WFDC8: variants seen among roughly 807,000 people sequenced by gnomAD.
WFDC8 encodes WAP four-disulfide core domain 8.
WFDC8 carries 24 observed loss-of-function variants against 27.0 expected under a neutral mutation model. The observed-to-expected ratio is 0.89, with a 90% CI of 0.64 to 1.25. WFDC8 has a LOEUF of 1.25. Ranked by LOEUF, WFDC8 falls within the 50% of genes most tolerant of loss-of-function variation. The pLI, the probability that WFDC8 is intolerant of heterozygous loss-of-function variation, is 0.00. For missense variants in WFDC8, 287 were observed against 295.9 expected, an observed-to-expected ratio of 0.97 and a Z score of 0.22; for synonymous variants, 106 against 99.7, an observed-to-expected ratio of 1.06 and a Z score of -0.38.
intron 2 of WFDC8, among the ~76,000 whole-genome samples, chr20:45,560,474 C>A (rs556020525): frequency 6.6e-6 from 1 of 152,314 alleles, no homozygotes; most frequent in Admixed American, 6.5e-5. Context: ...TCATACAGCG[C>A]TTAATGTGTC....
chr20:45,569,322 T>G (rs1980788409), intron 1 of WFDC8, among the ~76,000 whole-genome samples: 1 of 152,212 alleles, frequency 6.6e-6, no homozygotes, highest in Non-Finnish European at 1.5e-5. Context: ...CTTAAAACTT[T>G]TTGTCCCTGT....
chr20:45,568,366 A>G (rs1369993005), intron 1 of WFDC8: 1 of 239,008 alleles, frequency 4.2e-6, no homozygotes, highest in African/African-American at 2.2e-5. Context: ...TTTTTCTTGT[A>G]TTCTTCTAGC....
chr20:45,552,986 A>C, intron 5 of WFDC8, 150 bp downstream of exon 5: 1 of 885,266 alleles, frequency 1.1e-6, no homozygotes, highest in South Asian at 1.8e-5. Flanking sequence ...GGTCAATATA[A>C]CTTGTTGGGC....
At chr20:45,568,328 T>G (rs1980751888) in intron 1 of WFDC8, 1 of 244,364 alleles carries the variant, frequency 4.1e-6, no homozygotes, top group African/African-American at 2.2e-5. Context: ...TTGTGCTTCA[T>G]AAGTGTCTCA....
At chr20:45,563,565 A>C (rs934806808) in intron 1 of WFDC8, among the ~76,000 whole-genome samples, 1 of 152,216 alleles carries the variant, frequency 6.6e-6, no homozygotes, top group Admixed American at 6.5e-5. Flanking sequence ...TTTGTAAAGC[A>C]TGACAAGTGG....
chr20:45,551,926 TTAAGA>T lies in WFDC8; in HGVS notation c.*95_*99del. 2 of 1,356,682 alleles carry T rather than the reference TTAAGA, an allele frequency of 1.5e-6. No homozygotes were observed. The highest frequency in any genetic ancestry group is 2.0e-5 in the Admixed American group (1 of 49,456). 84.0% of individuals were successfully genotyped at this position (1,356,682 alleles called of 1,614,324 possible). A position where few individuals can be genotyped will look rare whatever the true frequency, so the allele number is the denominator to read the frequency against. On this transcript the variant is annotated 3_prime_UTR_variant, in exon 6 of 6. Coordinates refer to ENST00000289953, the MANE Select transcript of WFDC8 (RefSeq NM_130896.3). The stretch of plus-strand genomic sequence containing the variant: ...GTAACATCATTCAATATTGTGATAC[TTAAGA>T]TAATTTGGCAAGTTGGATACAAGAC...
chr20:45,551,853 C>A lies in WFDC8; in HGVS notation c.*173G>T. ...ATAAAGTCATGAAGTTGAAAAAAAG[C>A]CAAATATATCATCACTTTCAGATGA... On this transcript the variant is annotated 3_prime_UTR_variant, in exon 6 of 6. Transcript: ENST00000289953. 7.6e-6 allele frequency: 6 copies of A among 786,484 alleles called. No individual in the cohort carries two copies. Among genetic ancestry groups the A allele is most frequent in the African/African-American group, 1.8e-5 (1 of 56,412 alleles). 48.7% of individuals were successfully genotyped at this position (786,484 alleles called of 1,614,324 possible).
In WFDC8 at chr20:45,571,765, A is replaced by G. The variant is rs1357991022; in HGVS notation, c.26+7457T>C. On this transcript the variant is annotated intron_variant, in intron 1 of 5. Transcript: ENST00000289953. ...CTCTGCCTGGCTTGTTTCACTTAGC[A>G]TAATGTTCTTCATCTTCATCCATGT... Among the ~76,000 whole-genome samples, 11 of 152,244 alleles carry G rather than the reference A, an allele frequency of 7.2e-5. No homozygotes were observed. The East Asian group carries it at 2.1e-3, about 29-fold the overall frequency.
At chr20:45,559,055 C>T (rs776280949) in intron 2 of WFDC8, 63 bp from the exon 3 acceptor site, 103 of 1,597,428 alleles carry the variant, frequency 6.4e-5, no homozygotes, top group Admixed American at 1.9e-4. Context: ...TCTCCTATGG[C>T]AAAGGTGTGT....
chr20:45,554,931 G>A (rs556092440), intron 4 of WFDC8, among the ~76,000 whole-genome samples: 1 of 152,324 alleles, frequency 6.6e-6, no homozygotes, highest in South Asian at 2.1e-4. Context: ...GGTCGAAATT[G>A]CAACGCTGCC....
intron 1 of WFDC8, among the ~76,000 whole-genome samples, chr20:45,566,944 A>T (rs1980700565): frequency 6.6e-6 from 1 of 152,086 alleles, no homozygotes; most frequent in South Asian, 2.1e-4. Flanking sequence ...CTTTAAAGTC[A>T]CCTCTAGATT....
intron 1 of WFDC8, among the ~76,000 whole-genome samples, chr20:45,564,531 G>A (rs373440116): frequency 1.3e-5 from 2 of 152,180 alleles, no homozygotes; most frequent in East Asian, 1.9e-4. Context: ...AAAATTAACC[G>A]GGCGTGGTGG....
At chr20:45,563,261 C>T (rs1349781015) in intron 1 of WFDC8, among the ~76,000 whole-genome samples, 1 of 152,336 alleles carries the variant, frequency 6.6e-6, no homozygotes, top group East Asian at 1.9e-4. Flanking sequence ...TCCCTTATAA[C>T]AGCATATCTT....
chr20:45,552,841 T>C (rs147568233), intron 5 of WFDC8, among the ~76,000 whole-genome samples: 146 of 152,340 alleles, frequency 9.6e-4, no homozygotes, highest in African/African-American at 3.4e-3. Flanking sequence ...TTTTTATGAA[T>C]CGGTGAATAT....
At chr20:45,557,444 G>GT (rs1160011476) in intron 3 of WFDC8, among the ~76,000 whole-genome samples, 1 of 150,906 alleles carries the variant, frequency 6.6e-6, no homozygotes, top group Non-Finnish European at 1.5e-5. Context: ...GTTTTTTTTT[G>GT]TTTTTTGAGA....
In WFDC8 at chr20:45,555,868, T is replaced by C. The variant is rs1328725775; in HGVS notation, c.278A>G (p.Glu93Gly). Reference sequence around the variant, plus strand: ...ATGCCTCACAGGTAGCATGCAGGGTTCTGAGGTCAGGAAGCAAGGAAAGAA... The same window carrying C: ...ATGCCTCACAGGTAGCATGCAGGGTCCTGAGGTCAGGAAGCAAGGAAAGAA... ...CQKKCMDPFQ[E>G]PCMLPVRHGN... The change falls in exon 4 of 6, where the codon GAA (glutamate) becomes GGA (glycine). Residue 93 changes from glutamate (E) to glycine (G), a missense_variant and splice_region_variant. Transcript: ENST00000289953. 1 of 1,613,610 alleles carries C rather than the reference T, an allele frequency of 6.2e-7. No individual in the cohort carries two copies. Among genetic ancestry groups the C allele is most frequent in the South Asian group, 1.1e-5 (1 of 91,068 alleles).
chr20:45,575,643 C>T (rs1981018788), intron 1 of WFDC8, among the ~76,000 whole-genome samples: 1 of 151,224 alleles, frequency 6.6e-6, no homozygotes, highest in Non-Finnish European at 1.5e-5. Context: ...AGAGGTTGCA[C>T]TTTGCAGGAA....
intron 1 of WFDC8, among the ~76,000 whole-genome samples, chr20:45,578,123 T>C (rs1221380527): frequency 6.6e-6 from 1 of 151,386 alleles, no homozygotes; most frequent in Non-Finnish European, 1.5e-5. Context: ...CCCAGAAGTC[T>C]TCTGTGTGCA....
intron 1 of WFDC8, chr20:45,568,787 CAT>C (rs977248660): frequency 2.3e-6 from 1 of 437,110 alleles, no homozygotes; most frequent in African/African-American, 2.0e-5. Flanking sequence ...TACAAAACAA[CAT>C]GTCTTCACAC....
Sources: allele counts gnomAD v4.1 joint callset (sites outside exome capture counted in the v4.1 genomes callset), GRCh38; gene constraint gnomAD v4.1.1; transcripts MANE v1.5; gene names NCBI Gene and HGNC (gene_info 2026-07-23, HGNC 2026-07-21).